Variants in EPHB2 observed in about 807,000 individuals in gnomAD.
EPHB2 encodes ephrin type-B receptor 2.
EPHB2 carries 18 observed loss-of-function variants against 96.4 expected under a neutral mutation model. The ratio of observed to expected loss-of-function variants is 0.19; its 90% confidence interval spans 0.13 to 0.28. The LOEUF (loss-of-function observed/expected upper bound fraction) is 0.28, where lower values mean the gene tolerates loss of function less well. Ranked by LOEUF, EPHB2 falls within the 10% of genes least tolerant of loss-of-function variation. The pLI, the probability that EPHB2 is intolerant of heterozygous loss-of-function variation, is 1.00. For missense variants in EPHB2, 989 were observed against 1,355.4 expected, an observed-to-expected ratio of 0.73 and a Z score of 4.25; for synonymous variants, 506 against 534.1, an observed-to-expected ratio of 0.95 and a Z score of 0.72.
At chr1:22,899,606 A>G (rs1639685923) in intron 9 of EPHB2, among the ~76,000 whole-genome samples, 1 of 152,246 alleles carries the variant, frequency 6.6e-6, no homozygotes, top group Admixed American at 6.5e-5. Flanking sequence ...GAAATAGAAA[A>G]GGACCTTCTA....
At chr1:22,883,694 C>T (rs1360512598) in intron 6 of EPHB2, among the ~76,000 whole-genome samples, 4 of 152,194 alleles carry the variant, frequency 2.6e-5, no homozygotes, top group African/African-American at 9.7e-5. Context: ...CTGTTAACTG[C>T]TGGATCGGCT....
intron 3 of EPHB2, among the ~76,000 whole-genome samples, chr1:22,817,994 C>T (rs1645097659): frequency 6.6e-6 from 1 of 152,132 alleles, no homozygotes; most frequent in South Asian, 2.1e-4. Context: ...TATCTTTTCC[C>T]TGAAGGGCAG....
Position 22,877,269 on chromosome 1 carries a change from A to G in EPHB2, c.1304-5090A>G, listed in dbSNP as rs1424500819. Among the ~76,000 whole-genome samples the G allele has an allele frequency of 2.0e-5, 3 of 152,240 alleles. No homozygotes were observed. In the South Asian group the frequency reaches 6.2e-4, roughly 31 times the overall value. On this transcript the variant is annotated intron_variant, in intron 5 of 15. Transcript: ENST00000374630. ...AGTTACTTCACACTTCCGTGCGTCC[A>G]TGTCCTCATCTGTAAAATGGGTATA...
At chr1:22,771,574 C>T (rs1038108245) in intron 1 of EPHB2, among the ~76,000 whole-genome samples, 14 of 152,202 alleles carry the variant, frequency 9.2e-5, no homozygotes, top group East Asian at 3.9e-4. Flanking sequence ...AGCTCTGCCA[C>T]GTCTTGCAAG....
At chr1:22,900,577 C>T (rs1300395656) in intron 9 of EPHB2, among the ~76,000 whole-genome samples, 1 of 152,120 alleles carries the variant, frequency 6.6e-6, no homozygotes, top group Non-Finnish European at 1.5e-5. Flanking sequence ...CTCCATTCTG[C>T]TGAGCTGGAA....
chr1:22,735,993 C>G (rs959238305), intron 1 of EPHB2, among the ~76,000 whole-genome samples: 1 of 152,238 alleles, frequency 6.6e-6, no homozygotes, highest in African/African-American at 2.4e-5. Context: ...CCTACACGCT[C>G]TGTGACTTTC....
chr1:22,844,951 G>A (rs962527144), intron 3 of EPHB2, among the ~76,000 whole-genome samples: 3 of 152,202 alleles, frequency 2.0e-5, no homozygotes, highest in African/African-American at 7.2e-5. Flanking sequence ...GCCCACACCC[G>A]GATTTGTGTG....
chr1:22,774,433 T>C (rs1644419799), intron 1 of EPHB2: 1 of 324,206 alleles, frequency 3.1e-6, no homozygotes, highest in Admixed American at 6.5e-5. Flanking sequence ...TCAGGACAGC[T>C]GCCAGGAAGA....
At chr1:22,912,149 C>T (rs773289217) in intron 14 of EPHB2, among the ~76,000 whole-genome samples, 14 of 152,188 alleles carry the variant, frequency 9.2e-5, no homozygotes, top group Admixed American at 2.6e-4. Context: ...TTCCGAGGTC[C>T]AGCCTCTTGG....
At chr1:22,841,285 C>T (rs1373678154) in intron 3 of EPHB2, among the ~76,000 whole-genome samples, 2 of 152,214 alleles carry the variant, frequency 1.3e-5, no homozygotes, top group African/African-American at 2.4e-5. Context: ...GTGGAGGACA[C>T]ATGCTTTGCT....
chr1:22,741,265 G>C (rs769576398), intron 1 of EPHB2, among the ~76,000 whole-genome samples: 5 of 151,956 alleles, frequency 3.3e-5, no homozygotes, highest in Admixed American at 6.6e-5. Context: ...GGGGCTGCTG[G>C]GATCTGTCTT....
At chr1:22,794,613 A>G (rs1414039436) in intron 3 of EPHB2, among the ~76,000 whole-genome samples, 1 of 152,210 alleles carries the variant, frequency 6.6e-6, no homozygotes, top group Non-Finnish European at 1.5e-5. Context: ...TGATACAAGC[A>G]GTATCCACTG....
intron 3 of EPHB2, among the ~76,000 whole-genome samples, chr1:22,803,550 G>T (rs10917301): frequency 6.7e-6 from 1 of 149,542 alleles, no homozygotes; most frequent in African/African-American, 2.5e-5. Flanking sequence ...AAGCTGCCGT[G>T]AGCCATGATC....
intron 3 of EPHB2, among the ~76,000 whole-genome samples, chr1:22,801,107 C>G (rs1009579298): frequency 4.0e-4 from 61 of 152,328 alleles, no homozygotes; most frequent in African/African-American, 1.4e-3. Flanking sequence ...AGCTGTATGG[C>G]CTTGGCCATT....
At chr1:22,767,939 G>A (rs1028549013) in intron 1 of EPHB2, among the ~76,000 whole-genome samples, 8 of 152,192 alleles carry the variant, frequency 5.3e-5, no homozygotes, top group African/African-American at 9.7e-5. Context: ...ATCGACATGC[G>A]AGAAAATGTC....
intron 3 of EPHB2, among the ~76,000 whole-genome samples, chr1:22,836,200 C>T (rs542741364): frequency 6.6e-6 from 1 of 152,330 alleles, no homozygotes; most frequent in Admixed American, 6.5e-5. Context: ...TGATCGTCTA[C>T]ACTCCACAGA....
At chr1:22,828,216 C>A (rs1011863286) in intron 3 of EPHB2, among the ~76,000 whole-genome samples, 1 of 152,150 alleles carries the variant, frequency 6.6e-6, no homozygotes, top group African/African-American at 2.4e-5. Flanking sequence ...AGAGCAGGGA[C>A]ACCACCAGGG....
chr1:22,904,497 A>G (rs529088220), intron 9 of EPHB2, among the ~76,000 whole-genome samples: 10 of 152,342 alleles, frequency 6.6e-5, no homozygotes, highest in African/African-American at 2.4e-4. Context: ...GCTCATACTT[A>G]GGACTGCTAA....
chr1:22,818,562 A>G (rs1246241514), intron 3 of EPHB2, among the ~76,000 whole-genome samples: 4 of 152,122 alleles, frequency 2.6e-5, no homozygotes, highest in African/African-American at 7.2e-5. Flanking sequence ...ATAAAGGTCA[A>G]ACTCCTTCCT....
Sources: allele counts gnomAD v4.1 joint callset (sites outside exome capture counted in the v4.1 genomes callset), GRCh38; gene constraint gnomAD v4.1.1; transcripts MANE v1.5; gene names NCBI Gene and HGNC (gene_info 2026-07-23, HGNC 2026-07-21).